Variants in ESRRG observed in about 807,000 individuals in gnomAD.
The protein encoded by ESRRG is estrogen-related receptor gamma.
In ESRRG, 13 loss-of-function variants were observed where a neutral mutation model predicts 44.0. That is an observed-to-expected ratio of 0.30 (90% confidence interval 0.19 to 0.47). The LOEUF is 0.47. Among genes scored for constraint, ESRRG ranks in the 20% least tolerant of loss-of-function variants. The probability of loss-of-function intolerance (pLI) is 1.00; values close to 1 mark genes in which losing one functional copy is unlikely to be tolerated. For missense variants in ESRRG, 395 were observed against 580.6 expected (o/e 0.68, Z 3.29); for synonymous variants, 215 against 214.6 (o/e 1.00, Z -0.02).
intron 2 of ESRRG, among the ~76,000 whole-genome samples, chr1:216,807,921 G>A (rs936002028): frequency 6.6e-6 from 1 of 152,100 alleles, no homozygotes; most frequent in Non-Finnish European, 1.5e-5. Flanking sequence ...AGAGTCATGG[G>A]CTTAGTATGT....
chr1:216,545,292 G>A (rs1294463013), intron 5 of ESRRG, among the ~76,000 whole-genome samples: 3 of 150,952 alleles, frequency 2.0e-5, no homozygotes, highest in Non-Finnish European at 3.0e-5. Flanking sequence ...TAAACTCCTG[G>A]CTTTAAGGGA....
At chr1:216,804,125 T>C (rs1320909344) in intron 2 of ESRRG, among the ~76,000 whole-genome samples, 2 of 152,284 alleles carry the variant, frequency 1.3e-5, no homozygotes, top group Non-Finnish European at 1.5e-5. Flanking sequence ...GAAGTGTAAG[T>C]TGCATTTTCA....
At chr1:217,046,239 G>A (rs1194252595) in intron 1 of ESRRG, among the ~76,000 whole-genome samples, 1 of 151,414 alleles carries the variant, frequency 6.6e-6, no homozygotes, top group East Asian at 1.9e-4. Context: ...AATACCAGGA[G>A]ATACTTCCTA....
At chr1:217,085,030 G>A (rs1016217379) in intron 1 of ESRRG, among the ~76,000 whole-genome samples, 1 of 152,100 alleles carries the variant, frequency 6.6e-6, no homozygotes, top group Non-Finnish European at 1.5e-5. Flanking sequence ...AGAGGAACGG[G>A]AGATGAGATT....
At chr1:216,784,932 C>T (rs2094070440) in intron 2 of ESRRG, among the ~76,000 whole-genome samples, 1 of 151,970 alleles carries the variant, frequency 6.6e-6, no homozygotes. Flanking sequence ...AAACAATTCT[C>T]CACTAGGTCT....
chr1:217,074,087 G>A (rs1346829289), intron 1 of ESRRG, among the ~76,000 whole-genome samples: 5 of 142,978 alleles, frequency 3.5e-5, no homozygotes, highest in Middle Eastern at 3.9e-3. Flanking sequence ...TCACACTGTC[G>A]CCCGGGCTGG....
At chr1:217,014,880 A>C (rs559123510) in intron 1 of ESRRG, among the ~76,000 whole-genome samples, 20 of 152,270 alleles carry the variant, frequency 1.3e-4, no homozygotes, top group Middle Eastern at 3.4e-3. Flanking sequence ...CAGGAGTTCT[A>C]CATCAAATCC....
At chr1:216,558,313 G>T (rs73089920) in intron 5 of ESRRG, among the ~76,000 whole-genome samples, 4,602 of 152,162 alleles carry the variant, frequency 0.03, 259 homozygotes, top group African/African-American at 0.11. Flanking sequence ...TATTAAACTG[G>T]TAAATTTTCA....
chr1:217,124,740 A>T (rs2092867231), intron 1 of ESRRG, among the ~76,000 whole-genome samples: 1 of 152,206 alleles, frequency 6.6e-6, no homozygotes, highest in Admixed American at 6.5e-5. Context: ...GCTCACTGAA[A>T]ATGCCTGTAT....
chr1:216,581,198 G>C (rs2062690535), intron 3 of ESRRG, among the ~76,000 whole-genome samples: 1 of 152,222 alleles, frequency 6.6e-6, no homozygotes, highest in South Asian at 2.1e-4. Flanking sequence ...AAAATCAAAA[G>C]GCATTTGGCT....
intron 2 of ESRRG, among the ~76,000 whole-genome samples, chr1:216,793,753 T>C (rs529109311): frequency 1.3e-5 from 2 of 152,258 alleles, no homozygotes; most frequent in African/African-American, 4.8e-5. Context: ...GTACTATAGG[T>C]TTTTGTTTTG....
chr1:216,531,108 C>T (rs979627929), intron 5 of ESRRG, among the ~76,000 whole-genome samples: 2 of 151,998 alleles, frequency 1.3e-5, no homozygotes, highest in African/African-American at 4.8e-5. Context: ...AAACAAAGTG[C>T]CATATGTATT....
intron 1 of ESRRG, among the ~76,000 whole-genome samples, chr1:216,699,021 G>A (rs1030739029): frequency 1.1e-4 from 17 of 152,114 alleles, no homozygotes; most frequent in African/African-American, 4.1e-4. Context: ...GGAACCTCAC[G>A]AGGCTGAGGG....
chr1:216,788,431 G>A (rs1261307630), intron 2 of ESRRG, among the ~76,000 whole-genome samples: 1 of 152,208 alleles, frequency 6.6e-6, no homozygotes, highest in Non-Finnish European at 1.5e-5. Context: ...CTGGATGATA[G>A]CACATCTGCC....
At position 217,020,632 on chromosome 1, in the gene ESRRG, G is replaced by C. The variant is rs564190674; in HGVS notation, c.-106+68875C>G. On this transcript the variant is annotated intron_variant, in intron 1 of 7. Transcript: ENST00000359162. ...GGGCCTAGAACACTTGTTCAAGGGG[G>C]GCAAGGACAAGAAGAACAAGAAGTG... 4.6e-5 allele frequency among the ~76,000 whole-genome samples: 7 copies of C among 152,216 alleles called. No homozygotes were observed. The East Asian group carries it at 5.8e-4, about 13-fold the overall frequency.
intron 3 of ESRRG, among the ~76,000 whole-genome samples, chr1:216,646,083 A>T (rs1428768141): frequency 6.6e-6 from 1 of 151,934 alleles, no homozygotes; most frequent in African/African-American, 2.4e-5. Context: ...CTGAAGCTAA[A>T]CCAGTAATTT....
At chr1:217,016,980 T>C (rs1480935330) in intron 1 of ESRRG, among the ~76,000 whole-genome samples, 2 of 152,180 alleles carry the variant, frequency 1.3e-5, no homozygotes. Context: ...GAAAAGCCTG[T>C]TGTCACTTTT....
chr1:216,596,234 C>T (rs547532718), intron 3 of ESRRG, among the ~76,000 whole-genome samples: 1 of 152,180 alleles, frequency 6.6e-6, no homozygotes, highest in Non-Finnish European at 1.5e-5. Context: ...TCTGTCACTG[C>T]GAGAGCTTTT....
intron 1 of ESRRG, among the ~76,000 whole-genome samples, chr1:216,951,740 TG>T (rs2066993037): frequency 6.6e-6 from 1 of 151,570 alleles, no homozygotes; most frequent in East Asian, 1.9e-4. Context: ...TGTGTGTGTG[TG>T]TGTGTGTGTG....
Sources: gnomAD v4.1 joint callset for allele counts (sites outside exome capture counted in the v4.1 genomes callset) on GRCh38, gnomAD v4.1.1 for gene constraint, MANE v1.5 for transcripts, NCBI Gene and HGNC (gene_info 2026-07-23, HGNC 2026-07-21) for gene names.